The following LHX8 variants were observed in gnomAD, a reference collection of about 807,000 sequenced individuals.
LHX8 encodes the protein LIM/homeobox protein Lhx8.
In LHX8, 12 loss-of-function variants were observed where a neutral mutation model predicts 40.3. That is an observed-to-expected ratio of 0.30 (90% CI 0.19 to 0.48). The LOEUF is 0.48. Among genes scored for constraint, LHX8 ranks in the 20% least tolerant of loss-of-function variants. LHX8 has a pLI of 0.99. For synonymous variants in LHX8, 179 were observed against 162.0 expected (o/e 1.10, Z -0.80); for missense variants, 344 against 433.7 (o/e 0.79, Z 1.84).
chr1:75,170,187 C>T, the LHX8 span, among the ~76,000 whole-genome samples: 3 of 152,150 alleles, frequency 2.0e-5, no homozygotes, highest in East Asian at 1.9e-4. Flanking sequence ...TTTGGACTAT[C>T]GAGTACAAGA....
intron 8 of LHX8, 180 bp from the exon 9 acceptor site, chr1:75,160,639 C>A: frequency 1.6e-6 from 1 of 615,592 alleles, no homozygotes; most frequent in Non-Finnish European, 2.9e-6. Context: ...AAAACTGTTC[C>A]TGGACTCTCA....
chr1:75,184,266 G>C, the LHX8 span, among the ~76,000 whole-genome samples: 1 of 152,086 alleles, frequency 6.6e-6, no homozygotes, highest in African/African-American at 2.4e-5. Context: ...TAAACCAAAT[G>C]GATCTGATAG....
chr1:75,163,330 C>A (rs1346567463), downstream of LHX8, among the ~76,000 whole-genome samples: 1 of 152,124 alleles, frequency 6.6e-6, no homozygotes, highest in African/African-American at 2.4e-5. Flanking sequence ...TGTATAATTA[C>A]TCTACTAGCA....
At chr1:75,179,509 T>G in the LHX8 span, among the ~76,000 whole-genome samples, 6 of 149,570 alleles carry the variant, frequency 4.0e-5, no homozygotes, top group African/African-American at 9.8e-5. Context: ...GTTGTTTTTT[T>G]TTTTTTTTTT....
rs1192287419 is a variant in LHX8 at position 75,136,707 on chromosome 1, C to T, written c.75+18C>T. On this transcript the variant is annotated intron_variant, in intron 2 of 8. Transcript: ENST00000356261. ...AGGGACTGGTGAGTGCGGAGGGGCT[C>T]GCGTGCTGGCAAGACTGGCCGTGGG... 4 of 1,536,344 alleles carry T rather than the reference C, an allele frequency of 2.6e-6. No individual in the cohort carries two copies. The highest frequency in any genetic ancestry group is 3.5e-6 in the Non-Finnish European group (4 of 1,142,732).
At chr1:75,194,423 G>GTTA in the LHX8 span, among the ~76,000 whole-genome samples, 1 of 152,160 alleles carries the variant, frequency 6.6e-6, no homozygotes, top group African/African-American at 2.4e-5. Context: ...CAACATAATT[G>GTTA]TTATGTTCTG....
the LHX8 span, among the ~76,000 whole-genome samples, chr1:75,191,332 G>C: frequency 6.6e-6 from 1 of 152,078 alleles, no homozygotes; most frequent in Non-Finnish European, 1.5e-5. Context: ...ATTAATGAAG[G>C]TCCCCATAAT....
downstream of LHX8, among the ~76,000 whole-genome samples, chr1:75,165,933 A>C (rs1041576891): frequency 2.0e-5 from 3 of 152,226 alleles, no homozygotes; most frequent in Non-Finnish European, 4.4e-5. Context: ...ACTGTATCCC[A>C]AGGACACTTA....
chr1:75,173,536 C>T, the LHX8 span, among the ~76,000 whole-genome samples: 82 of 151,948 alleles, frequency 5.4e-4, no homozygotes, highest in African/African-American at 1.9e-3. Context: ...GCGCCCACCA[C>T]CACGCCCAGC....
chr1:75,163,793 G>A (rs1297796488), downstream of LHX8, among the ~76,000 whole-genome samples: 1 of 152,164 alleles, frequency 6.6e-6, no homozygotes, highest in African/African-American at 2.4e-5. Flanking sequence ...CTGCAATGTG[G>A]TGGTATTAAG....
the LHX8 span, among the ~76,000 whole-genome samples, chr1:75,188,361 T>G: frequency 6.6e-6 from 1 of 152,202 alleles, no homozygotes; most frequent in Non-Finnish European, 1.5e-5. Context: ...ATTTTACTTA[T>G]GTTCAGATGA....
chr1:75,172,358 G>T, the LHX8 span, among the ~76,000 whole-genome samples: 1 of 152,162 alleles, frequency 6.6e-6, no homozygotes, highest in African/African-American at 2.4e-5. Context: ...TTTCAAAAGA[G>T]AATAGGGAAG....
In LHX8 at chr1:75,160,977, G is replaced by A. The variant is rs1274448558; in HGVS notation, c.*82G>A. ...AAAATACCATTGAAAAGATATTACT[G>A]TTAATTTTTTATTTAACACCTAAAG... On this transcript the variant is annotated 3_prime_UTR_variant, in exon 9 of 9. Transcript: ENST00000356261. 8.3e-6 allele frequency: 9 copies of A among 1,079,406 alleles called. No homozygotes were observed. The highest frequency in any genetic ancestry group is 1.3e-5 in the Non-Finnish European group (9 of 702,792). 66.9% of individuals were successfully genotyped at this position (1,079,406 alleles called of 1,614,324 possible). A position where few individuals can be genotyped will look rare whatever the true frequency, so the allele number is the denominator to read the frequency against.
At chr1:75,196,157 T>C in the LHX8 span, among the ~76,000 whole-genome samples, 2 of 151,992 alleles carry the variant, frequency 1.3e-5, no homozygotes, top group Admixed American at 6.6e-5. Context: ...TTCCCTCAAA[T>C]CTGAGGGAAG....
chr1:75,138,489 T>A (rs913439396), intron 3 of LHX8, among the ~76,000 whole-genome samples: 1 of 152,218 alleles, frequency 6.6e-6, no homozygotes, highest in African/African-American at 2.4e-5. Context: ...GGTGGTTGAT[T>A]CTTAAAGCTG....
At chr1:75,142,326 T>A (rs1400356021) in intron 4 of LHX8, among the ~76,000 whole-genome samples, 1 of 152,104 alleles carries the variant, frequency 6.6e-6, no homozygotes, top group Non-Finnish European at 1.5e-5. Flanking sequence ...ACTAATCTAG[T>A]GTGATTTGGG....
At chr1:75,160,489 C>A in intron 8 of LHX8, 2 of 334,470 alleles carry the variant, frequency 6.0e-6, no homozygotes, top group Non-Finnish European at 1.1e-5. Context: ...ATACAAACAC[C>A]TTCATGAGAA....
chr1:75,133,862 T>C (rs1648038867), upstream of LHX8, among the ~76,000 whole-genome samples: 1 of 152,164 alleles, frequency 6.6e-6, no homozygotes, highest in Non-Finnish European at 1.5e-5. Flanking sequence ...ATCATAAGCT[T>C]TTGTGTTGCT....
chr1:75,147,560 C>G (rs1648494609), intron 6 of LHX8, among the ~76,000 whole-genome samples: 1 of 152,152 alleles, frequency 6.6e-6, no homozygotes, highest in Non-Finnish European at 1.5e-5. Flanking sequence ...TTAATTTTGC[C>G]TGCTGAAAAG....
Sources: gnomAD v4.1 joint callset for allele counts (sites outside exome capture counted in the v4.1 genomes callset) on GRCh38, gnomAD v4.1.1 for gene constraint, MANE v1.5 for transcripts, NCBI Gene and HGNC (gene_info 2026-07-23, HGNC 2026-07-21) for gene names.